Variants in PTPRD observed in about 807,000 individuals in gnomAD.
PTPRD encodes the protein protein tyrosine phosphatase receptor type D.
PTPRD carries 34 observed loss-of-function variants against 214.5 expected under a neutral mutation model. The observed-to-expected ratio is 0.16, with a 90% CI of 0.12 to 0.21. The LOEUF (loss-of-function observed/expected upper bound fraction) is 0.21, where lower values mean the gene tolerates loss of function less well. Ranked by LOEUF, PTPRD falls within the 10% of genes least tolerant of loss-of-function variation. The pLI, the probability that PTPRD is intolerant of heterozygous loss-of-function variation, is 1.00. For synonymous variants in PTPRD, 1,128 were observed against 845.7 expected (o/e 1.33, Z -5.79); for missense variants, 2,545 against 2,398.7 (o/e 1.06, Z -1.27).
chr9:9,676,447 G>T (rs1004825396), intron 7 of PTPRD, among the ~76,000 whole-genome samples: 1 of 151,914 alleles, frequency 6.6e-6, no homozygotes, highest in African/African-American at 2.4e-5. Flanking sequence ...CCCTACAAAG[G>T]ACATGAACTC....
intron 28 of PTPRD, 154 bp downstream of exon 28, chr9:8,485,608 T>G (rs1271271300): frequency 2.4e-5 from 17 of 721,828 alleles, no homozygotes; most frequent in Non-Finnish European, 3.8e-5. Flanking sequence ...ATCTAAGGCA[T>G]CCAAGACGTA....
intron 8 of PTPRD, among the ~76,000 whole-genome samples, chr9:9,539,153 C>T (rs1048544258): frequency 1.3e-5 from 2 of 151,788 alleles, no homozygotes; most frequent in African/African-American, 4.8e-5. Flanking sequence ...TTACTTAAAA[C>T]AGGGTGCTCA....
Position 8,560,255 on chromosome 9 carries a change from A to C in PTPRD, c.353-31476T>G, listed in dbSNP as rs183234656. Reference sequence around the variant, plus strand: ...CATGTTGATCAACCAAGTTATAAAAATGAGATGAATTTTTAAACTCCATGC... The same window carrying C: ...CATGTTGATCAACCAAGTTATAAAACTGAGATGAATTTTTAAACTCCATGC... On this transcript the variant is annotated intron_variant, in intron 14 of 45. Coordinates refer to ENST00000381196, the MANE Select transcript of PTPRD (RefSeq NM_002839.4). Among the ~76,000 whole-genome samples the C allele has an allele frequency of 4.6e-5, 7 of 152,300 alleles. No individual in the cohort carries two copies. The East Asian group carries it at 1.3e-3, about 29-fold the overall frequency.
intron 43 of PTPRD, among the ~76,000 whole-genome samples, chr9:8,335,613 A>T (rs1034986246): frequency 6.6e-6 from 1 of 152,196 alleles, no homozygotes; most frequent in African/African-American, 2.4e-5. Context: ...CACCACTCCT[A>T]TTCAACACAG....
intron 5 of PTPRD, among the ~76,000 whole-genome samples, chr9:9,826,350 A>G (rs2052825576): frequency 6.6e-6 from 1 of 151,784 alleles, no homozygotes; most frequent in Admixed American, 6.6e-5. Flanking sequence ...AATACTGATT[A>G]ATGTTGCTCA....
chr9:9,681,142 C>G (rs2097060276), intron 7 of PTPRD, among the ~76,000 whole-genome samples: 1 of 151,768 alleles, frequency 6.6e-6, no homozygotes, highest in South Asian at 2.1e-4. Flanking sequence ...AGCCAATTTC[C>G]ATTCACTTGA....
chr9:10,528,767 T>G (rs968196256), intron 2 of PTPRD, among the ~76,000 whole-genome samples: 3 of 152,178 alleles, frequency 2.0e-5, no homozygotes, highest in African/African-American at 7.2e-5. Flanking sequence ...GTGAGTGTCT[T>G]TAAATATTCT....
chr9:10,189,750 A>G (rs372507578), intron 3 of PTPRD, among the ~76,000 whole-genome samples: 1 of 152,218 alleles, frequency 6.6e-6, no homozygotes, highest in African/African-American at 2.4e-5. Flanking sequence ...ACAGAAGTAT[A>G]TCACTAAATT....
chr9:9,600,918 G>A (rs1484693421), intron 7 of PTPRD, among the ~76,000 whole-genome samples: 1 of 151,892 alleles, frequency 6.6e-6, no homozygotes, highest in East Asian at 1.9e-4. Context: ...TGGTTTTTAA[G>A]GTGGCTTTCT....
chr9:9,200,952 A>T (rs115676537), intron 9 of PTPRD, among the ~76,000 whole-genome samples: 139 of 152,344 alleles, frequency 9.1e-4, no homozygotes, highest in African/African-American at 3.2e-3. Context: ...CTCTTCTTAT[A>T]TGAAGCACAG....
intron 9 of PTPRD, among the ~76,000 whole-genome samples, chr9:9,378,994 G>GT (rs137912231): frequency 4.0e-4 from 61 of 151,260 alleles, no homozygotes; most frequent in African/African-American, 1.5e-3. Flanking sequence ...AAAATCAGAA[G>GT]TTTTTTTATT....
chr9:9,825,486 A>C (rs2052488934), intron 5 of PTPRD, among the ~76,000 whole-genome samples: 1 of 151,830 alleles, frequency 6.6e-6, no homozygotes, highest in African/African-American at 2.4e-5. Context: ...AGACAGAGAG[A>C]AAGACAGACA....
chr9:8,753,181 C>T (rs915368867), intron 11 of PTPRD, among the ~76,000 whole-genome samples: 3 of 152,004 alleles, frequency 2.0e-5, no homozygotes, highest in South Asian at 2.1e-4. Flanking sequence ...CCCCTTTTTC[C>T]GATTATAAAT....
chr9:8,743,023 C>G (rs914213993), intron 11 of PTPRD, among the ~76,000 whole-genome samples: 1 of 151,504 alleles, frequency 6.6e-6, no homozygotes, highest in African/African-American at 2.4e-5. Flanking sequence ...AAGAAATTAT[C>G]CCATTCAGAA....
At chr9:9,095,505 T>A (rs1396647715) in intron 10 of PTPRD, among the ~76,000 whole-genome samples, 1 of 152,170 alleles carries the variant, frequency 6.6e-6, no homozygotes. Context: ...AAAATATATA[T>A]CTGTTGACAG....
chr9:10,084,465 T>G (rs72694830), intron 3 of PTPRD, among the ~76,000 whole-genome samples: 26,659 of 151,702 alleles, frequency 0.18, 2,848 homozygotes, highest in South Asian at 0.31. Flanking sequence ...ATTAAACCAG[T>G]TTTTGTTTAT....
chr9:10,135,632 T>C (rs140102877), intron 3 of PTPRD, among the ~76,000 whole-genome samples: 8 of 152,124 alleles, frequency 5.3e-5, no homozygotes, highest in South Asian at 2.1e-4. Flanking sequence ...CCAGACTAAG[T>C]TCCACAAGTG....
intron 12 of PTPRD, among the ~76,000 whole-genome samples, chr9:8,665,866 T>C (rs983898671): frequency 6.6e-6 from 1 of 152,216 alleles, no homozygotes; most frequent in African/African-American, 2.4e-5. Context: ...CTTGTTATTA[T>C]GTTTGTGAAA....
intron 9 of PTPRD, among the ~76,000 whole-genome samples, chr9:9,206,830 C>T (rs1222645890): frequency 1.3e-5 from 2 of 152,164 alleles, no homozygotes; most frequent in Non-Finnish European, 2.9e-5. Context: ...GGGATTCAGA[C>T]TGGCATCCTT....
Sources: allele counts gnomAD v4.1 joint callset (sites outside exome capture counted in the v4.1 genomes callset), GRCh38; gene constraint gnomAD v4.1.1; transcripts MANE v1.5; gene names NCBI Gene and HGNC (gene_info 2026-07-23, HGNC 2026-07-21).